IHH: variants seen among roughly 807,000 people sequenced by gnomAD.
IHH encodes the protein Indian hedgehog signaling molecule.
IHH carries 9 observed loss-of-function variants against 29.4 expected under a neutral mutation model. The ratio of observed to expected loss-of-function variants is 0.31; its 90% CI spans 0.18 to 0.53. The LOEUF (loss-of-function observed/expected upper bound fraction) is 0.53. Among genes scored for constraint, IHH ranks in the 20% least tolerant of loss-of-function variants. IHH has a pLI of 0.95. For synonymous variants in IHH, 254 were observed against 252.7 expected, an observed-to-expected ratio of 1.01 and a Z score of -0.05; for missense variants, 454 against 578.1, an observed-to-expected ratio of 0.79 and a Z score of 2.20.
Position 219,054,872 on chromosome 2 carries a change from G to C in IHH, c.*335C>G. ...CACCCAAAGGGGCCTAAGATGGATG[G>C]AATGGGCCCTCCCCAATGGGGGAGG... On this transcript the variant is annotated 3_prime_UTR_variant, in exon 3 of 3. Coordinates refer to ENST00000295731, the MANE Select transcript of IHH (RefSeq NM_002181.4). 2.9e-6 allele frequency: 1 copy of C among 342,212 alleles called. No individual in the cohort carries two copies. Among genetic ancestry groups the C allele is most frequent in the South Asian group, 3.5e-5 (1 of 28,700 alleles). 21.2% of individuals were successfully genotyped at this position (342,212 alleles called of 1,614,324 possible).
chr2:219,055,815 C>T lies in IHH; in HGVS notation c.628G>A (p.Val210Ile). 6.2e-7 allele frequency: 1 copy of T among 1,612,524 alleles called. No homozygotes were observed. The highest frequency in any genetic ancestry group is 8.5e-7 in the Non-Finnish European group (1 of 1,179,988). ...ACACGCGCCCCACTCTCCAGGCGTA[C>T]CTGGGCTCCGGCAGGGAAGCAGCCG... ...TGGCFPAGAQ[V>I]RLESGARVAL... is the part of the protein sequence containing the mutation. Residue 210 changes from valine (V) to isoleucine (I), a missense_variant, in exon 3 of 3, where the codon GTA becomes ATA. Around this residue, in one of 3 missense-constraint regions of IHH, gnomAD observed 271 missense variants for 315.9 expected, o/e 0.86. Transcript: ENST00000295731.
At chr2:219,056,385 G>A (rs1285888294) in intron 2 of IHH, among the ~76,000 whole-genome samples, 2 of 152,214 alleles carry the variant, frequency 1.3e-5, no homozygotes, top group South Asian at 2.1e-4. Flanking sequence ...CAGGCCAGGG[G>A]CGAGGACACA....
At chr2:219,057,787 C>T in intron 1 of IHH, 93 bp from the exon 2 acceptor site, 1 of 1,469,076 alleles carries the variant, frequency 6.8e-7, no homozygotes, top group Non-Finnish European at 9.1e-7. Context: ...GCCCAGAACT[C>T]TCCCGCCACA....
Position 219,057,920 on chromosome 2 carries a change from A to G in IHH, c.316-226T>C, listed in dbSNP as rs59423734. Among the ~76,000 whole-genome samples, 5,318 of 152,308 alleles carry G rather than the reference A, an allele frequency of 0.035. 322 individuals are homozygous for G. Among genetic ancestry groups the G allele is most frequent in the African/African-American group, 0.12 (4,998 of 41,556 alleles). ...ATCTGGACCGCACGGCGGTATCACAAATCTGGAGGAGGCATGGAGGCAAGC... is the reference window on the plus strand; with the variant it reads ...ATCTGGACCGCACGGCGGTATCACAGATCTGGAGGAGGCATGGAGGCAAGC... On this transcript the variant is annotated intron_variant, in intron 1 of 2. Transcript: ENST00000295731.
rs1948870738 is a variant in IHH at position 219,060,416 on chromosome 2, G to A, written c.52C>T (p.Leu18=). Reference sequence around the variant, plus strand: ...CATGCCGCCGGCACCACCAGCAGCAGCAACAGGACCAGGCAGAAGTGCAGT... The same window carrying A: ...CATGCCGCCGGCACCACCAGCAGCAACAACAGGACCAGGCAGAAGTGCAGT... ...PRLHFCLVLL[L]LLVVPAAWGC... The change falls in exon 1 of 3, where the codon CTG becomes TTG. Residue 18 remains leucine (L), a synonymous_variant. Transcript: ENST00000295731. This position sits in a 1 kb window ranked among gnomAD's most constrained non-coding sequence, Gnocchi z 8.8. 1 of 1,596,640 alleles carries A rather than the reference G, an allele frequency of 6.3e-7. No homozygotes were observed. The highest frequency in any genetic ancestry group is 1.7e-5 in the Admixed American group (1 of 59,084).
chr2:219,056,972 C>T (rs1241542572), intron 2 of IHH, among the ~76,000 whole-genome samples: 2 of 152,230 alleles, frequency 1.3e-5, no homozygotes, highest in African/African-American at 4.8e-5. Flanking sequence ...GCCTGCGCCC[C>T]AGGGAGGGCT....
At position 219,060,704 on chromosome 2, in the gene IHH, C is replaced by T. The variant is rs1271598684; in HGVS notation, c.-237G>A. On this transcript the variant is annotated 5_prime_UTR_variant, in exon 1 of 3. Coordinates refer to ENST00000295731, the MANE Select transcript of IHH (RefSeq NM_002181.4). This position sits in a 1 kb window ranked among gnomAD's most constrained non-coding sequence, Gnocchi z 8.8. Reference sequence around the variant, plus strand: ...CCTCGGCGCCTCGACTCTGAGCTGCCGGGCTCGCCGGCCGCCAATAAATAG... The same window carrying T: ...CCTCGGCGCCTCGACTCTGAGCTGCTGGGCTCGCCGGCCGCCAATAAATAG... Among the ~76,000 whole-genome samples the T allele has an allele frequency of 1.3e-5, 2 of 149,832 alleles. No homozygotes were observed. The highest frequency in any genetic ancestry group is 3.0e-5 in the Non-Finnish European group (2 of 67,018).
In IHH at chr2:219,057,470, G is replaced by A. The variant is rs768257762; in HGVS notation, c.540C>T (p.Tyr180=). 1.9e-5 allele frequency: 31 copies of A among 1,604,582 alleles called. No homozygotes were observed. The highest frequency in any genetic ancestry group is 3.4e-5 in the Admixed American group (2 of 58,862). The part of the protein sequence containing the change: ...AVEAGFDWVY[Y]ESKAHVHCSV... Reference sequence around the variant, plus strand: ...AGCAATGCACGTGGGCCTTTGACTCGTAATACACCCAGTCAAAGCCGGCCT... The same window carrying A: ...AGCAATGCACGTGGGCCTTTGACTCATAATACACCCAGTCAAAGCCGGCCT... Residue 180 remains tyrosine, a synonymous_variant, in exon 2 of 3, where the codon TAC becomes TAT. Transcript: ENST00000295731.
rs1222078071 is a variant in IHH, at chr2:219,055,873, A to G, written c.578-8T>C. On this transcript the variant is annotated splice_polypyrimidine_tract_variant and splice_region_variant and intron_variant, in intron 2 of 2. Coordinates refer to ENST00000295731, the MANE Select transcript of IHH (RefSeq NM_002181.4). ...TGGCTGCGGCCGAGTGCTCTGTGGG[A>G]GAAAGGGACATGAAGGTGTTACTGC... 16 of 1,602,120 alleles carry G rather than the reference A, an allele frequency of 1.0e-5. No homozygotes were observed. Among genetic ancestry groups the G allele is most frequent in the Non-Finnish European group, 1.4e-5 (16 of 1,179,212 alleles).
In IHH at chr2:219,060,472, G is replaced by C; in HGVS notation, c.-5C>G. ...CCGGAGCCGGGCGGGAGACATGGCC[G>C]GGGAGCCCGGGGGAGCGGCGGGCGA... On this transcript the variant is annotated 5_prime_UTR_variant, in exon 1 of 3. Transcript: ENST00000295731. The surrounding 1 kb of genome is among the most constrained non-coding windows in gnomAD (Gnocchi z 8.8). 1.4e-6 allele frequency: 2 copies of C among 1,456,976 alleles called. No individual in the cohort carries two copies. The highest frequency in any genetic ancestry group is 2.6e-5 in the Admixed American group (1 of 39,102). The allele number at this position is 1,456,976 out of a possible 1,614,324, so 90.3% of individuals were successfully genotyped here.
chr2:219,059,809 T>C lies in IHH; in HGVS notation c.315+344A>G, dbSNP rs1022961170. Among the ~76,000 whole-genome samples the C allele has an allele frequency of 6.6e-6, 1 of 152,150 alleles. No homozygotes were observed. The highest frequency in any genetic ancestry group is 1.5e-5 in the Non-Finnish European group (1 of 68,022). On this transcript the variant is annotated intron_variant, in intron 1 of 2. Coordinates refer to ENST00000295731, the MANE Select transcript of IHH (RefSeq NM_002181.4). The surrounding 1 kb of genome is among the most constrained non-coding windows in gnomAD (Gnocchi z 4.7). ...GAAGGTTAGGCCGGGAGGGACTGCG[T>C]GGGTCCTGGAGGCGCAGGAGGCAGC...
Sources: allele counts gnomAD v4.1 joint callset (sites outside exome capture counted in the v4.1 genomes callset), GRCh38; gene constraint gnomAD v4.1.1; regional missense constraint gnomAD v4.1.1; non-coding constraint Gnocchi (gnomAD v3.1); transcripts MANE v1.5; gene names NCBI Gene and HGNC (gene_info 2026-07-23, HGNC 2026-07-21).